NRDC: variants seen among roughly 807,000 people sequenced by gnomAD.
NRDC encodes nardilysin.
NRDC carries 54 observed loss-of-function variants against 147.1 expected under a neutral mutation model. The ratio of observed to expected loss-of-function variants is 0.37; its 90% CI spans 0.29 to 0.46. The LOEUF (loss-of-function observed/expected upper bound fraction) is 0.46. Among genes scored for constraint, NRDC ranks in the 20% least tolerant of loss-of-function variants. The pLI is 1.00. For synonymous variants in NRDC, 440 were observed against 482.1 expected, an observed-to-expected ratio of 0.91 and a Z score of 1.14; for missense variants, 1,082 against 1,370.6, an observed-to-expected ratio of 0.79 and a Z score of 3.33.
At chr1:51,856,213 TTTC>T (rs1310452411) in intron 1 of NRDC, among the ~76,000 whole-genome samples, 3 of 152,214 alleles carry the variant, frequency 2.0e-5, no homozygotes, top group African/African-American at 7.2e-5. Context: ...TCAAACGGTT[TTTC>T]TTTTTCTCTC....
At chr1:51,847,597 C>T (rs1436800402) in intron 1 of NRDC, among the ~76,000 whole-genome samples, 2 of 152,208 alleles carry the variant, frequency 1.3e-5, no homozygotes, top group African/African-American at 2.4e-5. Context: ...TGACCTGACG[C>T]ACCCTCCGCA....
chr1:51,869,861 A>G (rs1250273520), intron 1 of NRDC, among the ~76,000 whole-genome samples: 1 of 152,226 alleles, frequency 6.6e-6, no homozygotes, highest in Non-Finnish European at 1.5e-5. Context: ...TAACCTGTCC[A>G]TATTCATTTT....
At chr1:51,790,734 G>A in intron 28 of NRDC, 85 bp from the exon 29 acceptor site, 1 of 1,052,808 alleles carries the variant, frequency 9.5e-7, no homozygotes, top group Admixed American at 1.8e-5. Flanking sequence ...AGCCCGGCTT[G>A]TGATGGACAT....
chr1:51,837,710 G>T, intron 2 of NRDC: 1 of 1,038,154 alleles, frequency 9.6e-7, no homozygotes, highest in Non-Finnish European at 1.3e-6. Context: ...AGAAAGCCCT[G>T]AACAAATCTT....
intron 4 of NRDC, among the ~76,000 whole-genome samples, chr1:51,830,255 G>A (rs558871306): frequency 2.6e-4 from 39 of 152,190 alleles, no homozygotes; most frequent in East Asian, 1.2e-3. Context: ...GAGCCACTGC[G>A]TCTGGCCTTT....
At chr1:51,827,198 G>C (rs1680486111) in intron 5 of NRDC, among the ~76,000 whole-genome samples, 1 of 152,152 alleles carries the variant, frequency 6.6e-6, no homozygotes, top group African/African-American at 2.4e-5. Flanking sequence ...CTTCCAGATA[G>C]ATCACTCTAG....
intron 1 of NRDC, among the ~76,000 whole-genome samples, chr1:51,846,942 A>G (rs552682403): frequency 1.4e-4 from 22 of 152,320 alleles, no homozygotes; most frequent in African/African-American, 5.1e-4. Context: ...TTAGCTAGAT[A>G]CAGAGTGCTG....
intron 22 of NRDC, among the ~76,000 whole-genome samples, chr1:51,796,808 G>A (rs940639064): frequency 4.1e-5 from 6 of 146,048 alleles, no homozygotes; most frequent in East Asian, 4.3e-4. Context: ...GGTTGGTCTC[G>A]ATCTCTTGAC....
intron 21 of NRDC, 111 bp downstream of exon 21, chr1:51,800,445 A>T: frequency 1.6e-6 from 2 of 1,236,340 alleles, no homozygotes; most frequent in South Asian, 2.9e-5. Context: ...CACGATTCAA[A>T]CACGGATGAA....
intron 24 of NRDC, among the ~76,000 whole-genome samples, chr1:51,793,218 G>A (rs745469912): frequency 1.4e-4 from 22 of 152,346 alleles, no homozygotes; most frequent in Non-Finnish European, 2.6e-4. Flanking sequence ...GTGCTAAGAG[G>A]TGACTGATGG....
intron 20 of NRDC, among the ~76,000 whole-genome samples, chr1:51,803,567 G>A (rs954965901): frequency 6.6e-6 from 1 of 151,794 alleles, no homozygotes; most frequent in Non-Finnish European, 1.5e-5. Context: ...GAAACTGACA[G>A]CAAAGGGAAG....
At chr1:51,835,327 C>T (rs548012203) in intron 3 of NRDC, among the ~76,000 whole-genome samples, 1 of 152,038 alleles carries the variant, frequency 6.6e-6, no homozygotes, top group East Asian at 1.9e-4. Context: ...TCCCAAAGTG[C>T]TGGGATTACA....
intron 11 of NRDC, among the ~76,000 whole-genome samples, chr1:51,815,049 T>G (rs1055294550): frequency 7.9e-5 from 12 of 152,214 alleles, no homozygotes; most frequent in Non-Finnish European, 1.8e-4. Context: ...CTTTGTTTAA[T>G]GCAAATACGA....
chr1:51,790,434 T>G, intron 29 of NRDC, 99 bp downstream of exon 29: 1 of 790,734 alleles, frequency 1.3e-6, no homozygotes, highest in Middle Eastern at 2.4e-4. Context: ...GTGTTTCGAG[T>G]TTCTCTTCCA....
chr1:51,811,232 T>C (rs1157804283), intron 15 of NRDC, among the ~76,000 whole-genome samples: 1 of 152,230 alleles, frequency 6.6e-6, no homozygotes, highest in Non-Finnish European at 1.5e-5. Context: ...GGAACGTCTA[T>C]GCTAAAATAT....
In NRDC at chr1:51,790,478, G is replaced by A. The variant is rs1324699523; in HGVS notation, c.3168+55C>T. On this transcript the variant is annotated intron_variant, in intron 29 of 30. Coordinates refer to ENST00000352171, the MANE Select transcript of NRDC (RefSeq NM_001101662.2). ...TGGTGTGCACAGACCTGTGATGCCT[G>A]TAGAATCAGGAACCTTGACCAGTTT... The A allele has an allele frequency of 3.2e-5, 35 of 1,109,762 alleles. No individual in the cohort carries two copies. In the East Asian group the frequency reaches 8.2e-4, roughly 26 times the overall value. The allele number at this position is 1,109,762 out of a possible 1,614,324, so 68.7% of individuals were successfully genotyped here. A position where few individuals can be genotyped will look rare whatever the true frequency, so the allele number is the denominator to read the frequency against.
intron 3 of NRDC, among the ~76,000 whole-genome samples, chr1:51,835,907 T>C (rs1186029781): frequency 6.6e-6 from 1 of 152,352 alleles, no homozygotes; most frequent in East Asian, 1.9e-4. Flanking sequence ...TAGTGACATC[T>C]ACAGTTTAAA....
chr1:51,848,204 G>A (rs926252135), intron 1 of NRDC, among the ~76,000 whole-genome samples: 28 of 152,314 alleles, frequency 1.8e-4, no homozygotes, highest in African/African-American at 3.6e-4. Context: ...GGTGGGGCGC[G>A]GTGGCCCACG....
chr1:51,878,350 T>C lies in NRDC; in HGVS notation c.266A>G (p.Glu89Gly). 6.2e-7 allele frequency: 1 copy of C among 1,614,166 alleles called. No individual in the cohort carries two copies. The highest frequency in any genetic ancestry group is 2.2e-5 in the East Asian group (1 of 44,868). ...ARLGADESEE[E>G]GRRGSLSNAG... Reference sequence around the variant, plus strand: ...ATTACTGAGAGACCCCCTCCGTCCCTCTTCCTCAGATTCATCCGCTCCTAG... The same window carrying C: ...ATTACTGAGAGACCCCCTCCGTCCCCCTTCCTCAGATTCATCCGCTCCTAG... Residue 89 changes from glutamate (E) to glycine (G), a missense_variant, in exon 1 of 31, where the codon GAG becomes GGG. By Grantham distance (98) the Glu-to-Gly change is moderately conservative. Transcript: ENST00000352171.
Sources: gnomAD v4.1 joint callset for allele counts (sites outside exome capture counted in the v4.1 genomes callset) on GRCh38, gnomAD v4.1.1 for gene constraint, MANE v1.5 for transcripts, NCBI Gene and HGNC (gene_info 2026-07-23, HGNC 2026-07-21) for gene names.